The following SGK1 variants were observed in gnomAD, a reference collection of about 807,000 sequenced individuals.
SGK1 encodes serum/glucocorticoid regulated kinase 1, also known as serine/threonine-protein kinase Sgk1.
A neutral mutation model predicts 64.2 loss-of-function variants in SGK1; 26 were observed. That is an observed-to-expected ratio of 0.40 (90% CI 0.30 to 0.56). The LOEUF is 0.56. SGK1 is among the 20% of genes least tolerant of loss of function. The pLI is 0.38. For synonymous variants in SGK1, 265 were observed against 239.7 expected (o/e 1.11, Z -0.98); for missense variants, 519 against 645.6 (o/e 0.80, Z 2.12).
chr6:134,206,369 ATATATATATATATATTTTTTTTTTTTTT>A (rs1775779090), intron 3 of SGK1, among the ~76,000 whole-genome samples: 10 of 7,488 alleles, frequency 1.3e-3, no homozygotes, highest in African/African-American at 2.1e-3. Context: ...ATATATATAT[ATATATATATATATATTTTTTTTTTTTTT>A]TTTTTTTTTT....
chr6:134,180,003 G>T (rs1328397411), intron 3 of SGK1, among the ~76,000 whole-genome samples: 1 of 152,150 alleles, frequency 6.6e-6, no homozygotes, highest in Non-Finnish European at 1.5e-5. Flanking sequence ...GTCCAGGCTA[G>T]AGTACAGTGG....
At chr6:134,227,908 A>G (rs1314752116) in intron 2 of SGK1, among the ~76,000 whole-genome samples, 2 of 149,476 alleles carry the variant, frequency 1.3e-5, no homozygotes, top group Non-Finnish European at 3.0e-5. Context: ...TGCCTTAGTA[A>G]CCTCTTTGAA....
rs571725808 is a variant in SGK1, at chr6:134,211,288, AT to A, written c.286-3858del. Among the ~76,000 whole-genome samples the A allele has an allele frequency of 1.6e-4, 24 of 151,770 alleles. No homozygotes were observed. In the South Asian group the frequency reaches 2.1e-3, roughly 13 times the overall value. ...AAGTGGTCTATATTTTATAAGTGGA[AT>A]TTTTTTTTGTAATTGTAATACATTT... is the stretch of plus-strand genomic sequence containing the variant. On this transcript the variant is annotated intron_variant, in intron 2 of 13. Transcript: ENST00000367858.
Position 134,175,572 on chromosome 6 carries a change from C to T in SGK1, c.362-986G>A, listed in dbSNP as rs770898823. On this transcript the variant is annotated intron_variant, in intron 3 of 13. Coordinates refer to ENST00000367858, the MANE Select transcript of SGK1 (RefSeq NM_001143676.3). The stretch of plus-strand genomic sequence containing the variant: ...GTCCGCTCAGCAGGAAGGACTCGCT[C>T]CTTTTCTGCGCCTCGGCCCTCTTTT... The T allele has an allele frequency of 2.5e-5, 39 of 1,564,880 alleles. 1 individual carries two copies. The East Asian group carries it at 4.1e-4, about 17-fold the overall frequency.
At chr6:134,191,835 A>ATTTTTTTTTTTT (rs71003671) in intron 3 of SGK1, among the ~76,000 whole-genome samples, 2,742 of 61,084 alleles carry the variant, frequency 0.045, 727 homozygotes, top group Non-Finnish European at 0.05. Flanking sequence ...CGCCCGGCTG[A>ATTTTTTTTTTTT]TTTTTTTTTT....
chr6:134,243,537 G>A (rs764857674), intron 2 of SGK1, among the ~76,000 whole-genome samples: 15 of 152,098 alleles, frequency 9.9e-5, no homozygotes, highest in Non-Finnish European at 1.5e-4. Flanking sequence ...GCTCGGCTAA[G>A]TTTGTATTTT....
chr6:134,219,421 A>T (rs1776042806), intron 2 of SGK1, among the ~76,000 whole-genome samples: 1 of 152,064 alleles, frequency 6.6e-6, no homozygotes, highest in Non-Finnish European at 1.5e-5. Flanking sequence ...TCGACCTGAG[A>T]TTCTATGCCA....
At chr6:134,171,499 T>C in intron 11 of SGK1, 138 bp downstream of exon 11, 1 of 644,548 alleles carries the variant, frequency 1.6e-6, no homozygotes, top group Non-Finnish European at 2.7e-6. Flanking sequence ...TTATGAACTA[T>C]AAAATAACCA....
At chr6:134,201,141 A>G (rs1775674769) in intron 3 of SGK1, among the ~76,000 whole-genome samples, 1 of 149,580 alleles carries the variant, frequency 6.7e-6, no homozygotes, top group Admixed American at 6.7e-5. Flanking sequence ...GCTCACTGCA[A>G]CCTCTGCCTC....
At chr6:134,240,291 CAAAAAAAAAAAAAA>C (rs148740677) in intron 2 of SGK1, among the ~76,000 whole-genome samples, 2 of 84,460 alleles carry the variant, frequency 2.4e-5, no homozygotes, top group Non-Finnish European at 4.7e-5. Flanking sequence ...GACTCCATCT[CAAAAAAAAAAAAAA>C]AAAAAAAAGA....
At chr6:134,215,594 T>G (rs1775966105) in intron 2 of SGK1, among the ~76,000 whole-genome samples, 1 of 151,946 alleles carries the variant, frequency 6.6e-6, no homozygotes, top group Non-Finnish European at 1.5e-5. Context: ...CTCCAGGCAG[T>G]GAGCACATGC....
intron 3 of SGK1, among the ~76,000 whole-genome samples, chr6:134,187,619 G>A (rs755921538): frequency 3.9e-5 from 6 of 152,200 alleles, no homozygotes; most frequent in African/African-American, 9.7e-5. Flanking sequence ...CCAGGATGAT[G>A]GGAAACATGG....
At chr6:134,229,126 C>A (rs1465380272) in intron 2 of SGK1, among the ~76,000 whole-genome samples, 1 of 152,178 alleles carries the variant, frequency 6.6e-6, no homozygotes, top group Non-Finnish European at 1.5e-5. Context: ...CCACCGCGCC[C>A]AGCGCGGGTC....
chr6:134,174,820 G>C (rs762064420), intron 3 of SGK1: 2 of 1,614,018 alleles, frequency 1.2e-6, no homozygotes, highest in South Asian at 2.2e-5. Context: ...CCACCGCGGG[G>C]AGACAGAAAG....
intron 2 of SGK1, chr6:134,215,130 C>CTTTTTTTTTTT (rs780554551): frequency 8.7e-6 from 3 of 345,612 alleles, no homozygotes; most frequent in African/African-American, 5.1e-5. Flanking sequence ...TTCTTTCTTT[C>CTTTTTTTTTTT]TTTCTTTTTT....
chr6:134,218,147 A>AT (rs758079893), intron 2 of SGK1, among the ~76,000 whole-genome samples: 31 of 152,276 alleles, frequency 2.0e-4, no homozygotes, highest in Non-Finnish European at 4.0e-4. Context: ...CCCTTGCATT[A>AT]TGGTTGAGAC....
At chr6:134,294,216 T>A (rs2114783333) in intron 1 of SGK1, among the ~76,000 whole-genome samples, 1 of 152,354 alleles carries the variant, frequency 6.6e-6, no homozygotes, top group African/African-American at 2.4e-5. Context: ...GTGCTGTATT[T>A]TTTTTCATTG....
At chr6:134,315,174 A>G (rs1777660528) in intron 1 of SGK1, among the ~76,000 whole-genome samples, 1 of 152,232 alleles carries the variant, frequency 6.6e-6, no homozygotes, top group South Asian at 2.1e-4. Flanking sequence ...AGAAATAAAC[A>G]TTTAGAATAC....
At chr6:134,239,563 G>A (rs185510711) in intron 2 of SGK1, among the ~76,000 whole-genome samples, 1 of 152,106 alleles carries the variant, frequency 6.6e-6, no homozygotes, top group African/African-American at 2.4e-5. Flanking sequence ...GCCCTTTTTA[G>A]TTCTAACATC....
Sources: gnomAD v4.1 joint callset for allele counts (sites outside exome capture counted in the v4.1 genomes callset) on GRCh38, gnomAD v4.1.1 for gene constraint, MANE v1.5 for transcripts, NCBI Gene and HGNC (gene_info 2026-07-23, HGNC 2026-07-21) for gene names.